BCL2L13: variants seen among roughly 807,000 people sequenced by gnomAD.
BCL2L13 encodes BCL2 like 13, also known as bcl-2-like protein 13.
In BCL2L13, 13 loss-of-function variants were observed where a neutral mutation model predicts 25.8. That is an observed-to-expected ratio of 0.50 (90% CI 0.33 to 0.80). BCL2L13 has a LOEUF of 0.80. BCL2L13 is among the 30% of genes least tolerant of loss of function. BCL2L13 has a pLI of 0.02. For missense variants in BCL2L13, 504 were observed against 574.9 expected, an observed-to-expected ratio of 0.88 and a Z score of 1.26; for synonymous variants, 244 against 230.3, an observed-to-expected ratio of 1.06 and a Z score of -0.54.
At chr22:17,674,688 A>G (rs2059525685) in intron 2 of BCL2L13, among the ~76,000 whole-genome samples, 2 of 151,640 alleles carry the variant, frequency 1.3e-5, no homozygotes, top group Admixed American at 1.3e-4. Flanking sequence ...CACAGGCATG[A>G]TTATAGCACA....
chr22:17,719,914 C>T (rs988194245), intron 6 of BCL2L13, among the ~76,000 whole-genome samples: 1 of 151,242 alleles, frequency 6.6e-6, no homozygotes, highest in Non-Finnish European at 1.5e-5. Flanking sequence ...TAAGTGGAAG[C>T]AGCCAGATAC....
At chr22:17,647,606 A>T (rs773375975) in intron 1 of BCL2L13, among the ~76,000 whole-genome samples, 15 of 152,122 alleles carry the variant, frequency 9.9e-5, no homozygotes. Context: ...CATATAGTAA[A>T]TATGTGTTGA....
chr22:17,636,578 C>T (rs1281135139), upstream of BCL2L13, among the ~76,000 whole-genome samples: 1 of 151,496 alleles, frequency 6.6e-6, no homozygotes, highest in East Asian at 2.0e-4. Context: ...CACCCAAGGC[C>T]AAGAGTTGGA....
rs2061333573 is a variant in BCL2L13 at position 17,727,626 on chromosome 22, G to T, written c.*92G>T. On this transcript the variant is annotated 3_prime_UTR_variant, in exon 7 of 7. Coordinates refer to ENST00000317582, the MANE Select transcript of BCL2L13 (RefSeq NM_015367.4). ...TCCAGCAGCTGTCTGGACATTTGTGGAACACTCTGGGATAATTGGGGACTT... is the reference window on the plus strand; with the variant it reads ...TCCAGCAGCTGTCTGGACATTTGTGTAACACTCTGGGATAATTGGGGACTT... 6.5e-7 allele frequency: 1 copy of T among 1,532,280 alleles called. No individual in the cohort carries two copies. Among genetic ancestry groups the T allele is most frequent in the East Asian group, 2.3e-5 (1 of 44,278 alleles). 94.9% of individuals were successfully genotyped at this position (1,532,280 alleles called of 1,614,324 possible).
rs150624519 is a variant in BCL2L13 at position 17,665,610 on chromosome 22, G to A, written c.121+9778G>A. On this transcript the variant is annotated intron_variant, in intron 2 of 6. Transcript: ENST00000317582. ...CACATGGGGATTATTACAATTCAAG[G>A]TGAGATTTGGGTTGGGACACAGCCA... Among the ~76,000 whole-genome samples, 267 of 152,230 alleles carry A rather than the reference G, an allele frequency of 1.8e-3. 3 individuals carry two copies. The highest frequency in any genetic ancestry group is 5.9e-3 in the African/African-American group (245 of 41,538).
chr22:17,702,366 A>C lies in BCL2L13; in HGVS notation c.580A>C (p.Ile194Leu), dbSNP rs142646925. The C allele has an allele frequency of 1.2e-6, 2 of 1,600,336 alleles. No individual in the cohort carries two copies. The highest frequency in any genetic ancestry group is 1.4e-5 in the African/African-American group (1 of 74,010). The change falls in exon 6 of 7, where the codon ATC becomes CTC. Residue 194 changes from isoleucine (I) to leucine (L), a missense_variant. Ile to Leu is a conservative substitution (Grantham distance 5). Transcript: ENST00000317582. ...TYLEDYSAEY[I>L]IQQGGWGTVF... ...CCTGGAGGACTATTCGGCAGAGTAC[A>C]TCATTCAGCAAGGTGGCTGGGTATG...
intron 6 of BCL2L13, among the ~76,000 whole-genome samples, chr22:17,713,911 C>T (rs1243679624): frequency 2.0e-5 from 3 of 151,814 alleles, no homozygotes; most frequent in Non-Finnish European, 4.4e-5. Context: ...GAGGCCGAGG[C>T]GGGCGAATCA....
intron 4 of BCL2L13, among the ~76,000 whole-genome samples, chr22:17,690,115 C>T (rs1210529784): frequency 6.6e-6 from 1 of 152,096 alleles, no homozygotes; most frequent in Non-Finnish European, 1.5e-5. Flanking sequence ...CACTGGAAGT[C>T]AGGAGTTGGA....
In BCL2L13 at chr22:17,728,389, ACT is replaced by A. The variant is rs1601820063; in HGVS notation, c.*858_*859del. The A allele has an allele frequency of 1.3e-5, 2 of 152,168 alleles. No individual in the cohort carries two copies. The highest frequency in any genetic ancestry group is 6.5e-5 in the Admixed American group (1 of 15,276). The allele number at this position is 152,168 out of a possible 1,614,324, so 9.4% of individuals were successfully genotyped here. A position where few individuals can be genotyped will look rare whatever the true frequency, so the allele number is the denominator to read the frequency against. Reference sequence around the variant, plus strand: ...CCACTTGTGAGTGCAACTGCAAGTAACTCTGGCTAGAGAGACACATGTGTCTT... The same window carrying A: ...CCACTTGTGAGTGCAACTGCAAGTAACTGGCTAGAGAGACACATGTGTCTT... On this transcript the variant is annotated 3_prime_UTR_variant, in exon 7 of 7. Transcript: ENST00000317582.
At chr22:17,650,556 A>C (rs1158389053) in intron 1 of BCL2L13, among the ~76,000 whole-genome samples, 1 of 152,096 alleles carries the variant, frequency 6.6e-6, no homozygotes, top group Non-Finnish European at 1.5e-5. Context: ...GAAGACTGAA[A>C]ATTTACTGAG....
At chr22:17,713,037 T>C (rs940943735) in intron 6 of BCL2L13, among the ~76,000 whole-genome samples, 7 of 152,178 alleles carry the variant, frequency 4.6e-5, no homozygotes, top group Non-Finnish European at 1.0e-4. Context: ...TTAAATCGAT[T>C]ACAGCAGAAT....
At chr22:17,683,075 G>A in intron 2 of BCL2L13, 139 bp from the exon 3 acceptor site, 1 of 517,636 alleles carries the variant, frequency 1.9e-6, no homozygotes, top group Non-Finnish European at 3.5e-6. Flanking sequence ...AGAGGTTGCA[G>A]TGAGCGGAGA....
chr22:17,656,401 A>C (rs967631287), intron 2 of BCL2L13, among the ~76,000 whole-genome samples: 1 of 105,916 alleles, frequency 9.4e-6, no homozygotes, highest in Admixed American at 1.5e-4. Flanking sequence ...CTAAGGCTGG[A>C]GTGCAGTGGC....
chr22:17,720,382 G>A (rs1436803013), intron 6 of BCL2L13, among the ~76,000 whole-genome samples: 1 of 151,994 alleles, frequency 6.6e-6, no homozygotes, highest in East Asian at 1.9e-4. Flanking sequence ...TTGAGATGGA[G>A]TTTCACTCTT....
chr22:17,693,488 T>C (rs1449809971), intron 4 of BCL2L13, among the ~76,000 whole-genome samples: 1 of 148,006 alleles, frequency 6.8e-6, no homozygotes, highest in Non-Finnish European at 1.5e-5. Flanking sequence ...CAAGCAATTC[T>C]CCAGCCTCAG....
intron 6 of BCL2L13, among the ~76,000 whole-genome samples, chr22:17,719,752 C>G (rs1352682928): frequency 6.8e-6 from 1 of 146,098 alleles, no homozygotes; most frequent in Middle Eastern, 3.7e-3. Flanking sequence ...TCGCTGGAAT[C>G]CGGGAGGCGG....
intron 6 of BCL2L13, among the ~76,000 whole-genome samples, chr22:17,715,148 ATATATATATATATATATATATATTTTTT>A (rs1323259042): frequency 0.072 from 764 of 10,538 alleles, 38 homozygotes; most frequent in Non-Finnish European, 0.1. Flanking sequence ...ATATATATAT[ATATATATATATATATATATATATTTTTT>A]TTTTTTTTTT....
chr22:17,707,118 A>T (rs998108905), intron 6 of BCL2L13, among the ~76,000 whole-genome samples: 4 of 152,190 alleles, frequency 2.6e-5, no homozygotes, highest in African/African-American at 4.8e-5. Context: ...CACAGGGATG[A>T]TCTGAAATTA....
chr22:17,730,234 G>A lies in BCL2L13; in HGVS notation c.*2700G>A, dbSNP rs149790954. On this transcript the variant is annotated 3_prime_UTR_variant, in exon 7 of 7. Transcript: ENST00000317582. ...ACAGAAATCAGTCAGTACCTGCGGT[G>A]TGCCTTAAGGGGACTCTCATGATCA... 1 of 152,296 alleles carries A rather than the reference G, an allele frequency of 6.6e-6. No homozygotes were observed. The highest frequency in any genetic ancestry group is 2.4e-5 in the African/African-American group (1 of 41,570). 9.4% of individuals were successfully genotyped at this position (152,296 alleles called of 1,614,324 possible).
Sources: gnomAD v4.1 joint callset for allele counts (sites outside exome capture counted in the v4.1 genomes callset) on GRCh38, gnomAD v4.1.1 for gene constraint, MANE v1.5 for transcripts, NCBI Gene and HGNC (gene_info 2026-07-23, HGNC 2026-07-21) for gene names.